Variants in DPYD observed in about 807,000 individuals in gnomAD.
DPYD encodes the protein dihydropyrimidine dehydrogenase [NADP(+)].
A neutral mutation model predicts 116.2 loss-of-function variants in DPYD; 109 were observed. The ratio of observed to expected loss-of-function variants is 0.94; its 90% confidence interval spans 0.80 to 1.10. The LOEUF (loss-of-function observed/expected upper bound fraction) is 1.10, where lower values mean the gene tolerates loss of function less well. DPYD is among the 50% of genes least tolerant of loss of function. The pLI is 0.00. For synonymous variants in DPYD, 440 were observed against 432.0 expected (o/e 1.02, Z -0.23); for missense variants, 1,302 against 1,254.5 (o/e 1.04, Z -0.57).
chr1:97,391,820 T>G (rs1253803437), intron 14 of DPYD, among the ~76,000 whole-genome samples: 1 of 152,070 alleles, frequency 6.6e-6, no homozygotes, highest in Non-Finnish European at 1.5e-5. Context: ...AAGACCATAG[T>G]GCAACTTTTG....
rs547773488 is a variant in DPYD at position 97,163,026 on chromosome 1, C to A, written c.2622+30043G>T. Among the ~76,000 whole-genome samples, 176 of 151,352 alleles carry A rather than the reference C, an allele frequency of 1.2e-3. 3 individuals are homozygous for A. The highest frequency in any genetic ancestry group is 1.8e-3 in the Admixed American group (28 of 15,176). On this transcript the variant is annotated intron_variant, in intron 20 of 22. Coordinates refer to ENST00000370192, the MANE Select transcript of DPYD (RefSeq NM_000110.4). ...AACGTTAGACCTAAAACCATAAAAACCCTAGAAGAAAACCTAGGCATTACC... is the reference window on the plus strand; with the variant it reads ...AACGTTAGACCTAAAACCATAAAAAACCTAGAAGAAAACCTAGGCATTACC...
chr1:97,127,219 T>C (rs4146964), intron 20 of DPYD, among the ~76,000 whole-genome samples: 32,124 of 152,090 alleles, frequency 0.21, 4,368 homozygotes, highest in Middle Eastern at 0.38. Context: ...TGAGATGATG[T>C]TTGTGACAAA....
In DPYD at chr1:97,450,237, A is replaced by G. The variant is rs376498663; in HGVS notation, c.1741-14T>C. 8 of 1,613,162 alleles carry G rather than the reference A, an allele frequency of 5.0e-6. No homozygotes were observed. Among genetic ancestry groups the G allele is most frequent in the Non-Finnish European group, 6.8e-6 (8 of 1,179,342 alleles). The stretch of plus-strand genomic sequence containing the variant: ...TGTCACAATGTCCTGATGAAAGAGT[A>G]AAGATATTGAGTCTCCTTTTGACAA... On this transcript the variant is annotated splice_polypyrimidine_tract_variant and intron_variant, in intron 13 of 22. Coordinates refer to ENST00000370192, the MANE Select transcript of DPYD (RefSeq NM_000110.4).
At chr1:97,637,652 G>T (rs1170023869) in intron 8 of DPYD, among the ~76,000 whole-genome samples, 1 of 152,096 alleles carries the variant, frequency 6.6e-6, no homozygotes, top group Non-Finnish European at 1.5e-5. Context: ...AGGGCAGAAA[G>T]AAGACAACAA....
At chr1:97,459,975 A>G (rs992972883) in intron 13 of DPYD, among the ~76,000 whole-genome samples, 2 of 152,190 alleles carry the variant, frequency 1.3e-5, no homozygotes, top group Non-Finnish European at 2.9e-5. Context: ...CTTTCGAGGG[A>G]GGAGAAAGGA....
At chr1:97,438,560 C>T (rs1675591844) in intron 14 of DPYD, among the ~76,000 whole-genome samples, 1 of 151,864 alleles carries the variant, frequency 6.6e-6, no homozygotes, top group African/African-American at 2.4e-5. Flanking sequence ...AATCTTATAT[C>T]CTTCAACCTT....
intron 3 of DPYD, among the ~76,000 whole-genome samples, chr1:97,751,412 G>GTA (rs377480579): frequency 1.1e-4 from 14 of 125,140 alleles, no homozygotes; most frequent in South Asian, 1.0e-3. Flanking sequence ...ATATATACGT[G>GTA]TATATATATA....
At chr1:97,742,839 A>C (rs1198631921) in intron 3 of DPYD, among the ~76,000 whole-genome samples, 1 of 152,134 alleles carries the variant, frequency 6.6e-6, no homozygotes, top group African/African-American at 2.4e-5. Flanking sequence ...AAAGTCTTTT[A>C]AACAGTTGTA....
Position 97,313,497 on chromosome 1 carries a change from CTGTG to C in DPYD, c.2059-7204_2059-7201del, listed in dbSNP as rs58100703. On this transcript the variant is annotated intron_variant, in intron 16 of 22. Coordinates refer to ENST00000370192, the MANE Select transcript of DPYD (RefSeq NM_000110.4). ...ATACCTGGAATGTGTACATGTGTGCCTGTGTGTGTGTGTGTGTGTGTGTGTGGCT... is the reference window on the plus strand; with the variant it reads ...ATACCTGGAATGTGTACATGTGTGCCTGTGTGTGTGTGTGTGTGTGTGGCT... Among the ~76,000 whole-genome samples, 138 of 148,720 alleles carry C rather than the reference CTGTG, an allele frequency of 9.3e-4. 1 individual carries two copies. Among genetic ancestry groups the C allele is most frequent in the African/African-American group, 3.3e-3 (133 of 40,542 alleles).
intron 2 of DPYD, chr1:97,856,548 A>G (rs1292589127): frequency 6.6e-6 from 1 of 152,208 alleles, no homozygotes; most frequent in Non-Finnish European, 1.5e-5. Context: ...ACATAAGACA[A>G]ATTATTAACA....
intron 8 of DPYD, among the ~76,000 whole-genome samples, chr1:97,661,182 T>C (rs1417897538): frequency 2.0e-5 from 3 of 152,294 alleles, no homozygotes; most frequent in Non-Finnish European, 4.4e-5. Flanking sequence ...ATTTAACATA[T>C]AGCATATATG....
chr1:97,098,389 CA>C (rs1650421123), intron 21 of DPYD, 99 bp downstream of exon 21: 3 of 1,411,402 alleles, frequency 2.1e-6, no homozygotes, highest in Non-Finnish European at 9.8e-7. Flanking sequence ...ATTCTAAAAC[CA>C]AATTAGTGAT....
intron 12 of DPYD, among the ~76,000 whole-genome samples, chr1:97,533,672 A>C (rs1649798826): frequency 6.6e-6 from 1 of 152,214 alleles, no homozygotes. Flanking sequence ...TTAAATATTA[A>C]GCCTTGGAAT....
At chr1:97,242,120 GTGTGTATATA>G (rs1413898823) in intron 18 of DPYD, among the ~76,000 whole-genome samples, 1 of 27,034 alleles carries the variant, frequency 3.7e-5, no homozygotes, top group African/African-American at 2.4e-4. Flanking sequence ...GTGTGTGTGC[GTGTGTATATA>G]TATATATATA....
At chr1:97,570,351 T>A (rs2102169615) in intron 11 of DPYD, among the ~76,000 whole-genome samples, 1 of 152,158 alleles carries the variant, frequency 6.6e-6, no homozygotes, top group Middle Eastern at 3.4e-3. Flanking sequence ...CTGTCAAGTT[T>A]ACTTCATTAC....
At chr1:97,174,171 TGCATGTAATATCCTATCG>T (rs1473436068) in intron 20 of DPYD, among the ~76,000 whole-genome samples, 3 of 152,124 alleles carry the variant, frequency 2.0e-5, no homozygotes, top group Non-Finnish European at 4.4e-5. Flanking sequence ...AGTCCAGCCC[TGCATGTAATATCCTATCG>T]GCAATCAATT....
intron 8 of DPYD, among the ~76,000 whole-genome samples, chr1:97,647,889 C>A (rs568505098): frequency 1.8e-4 from 27 of 152,112 alleles, no homozygotes; most frequent in African/African-American, 6.5e-4. Context: ...TTTTTCCCAA[C>A]TCATACATCT....
intron 14 of DPYD, among the ~76,000 whole-genome samples, chr1:97,409,956 T>C (rs773737040): frequency 1.8e-4 from 27 of 151,982 alleles, no homozygotes; most frequent in Admixed American, 3.3e-4. Context: ...TGCTCACCTG[T>C]AATCCCAGCT....
intron 14 of DPYD, among the ~76,000 whole-genome samples, chr1:97,447,595 AT>A (rs921294361): frequency 6.6e-6 from 1 of 152,282 alleles, no homozygotes; most frequent in South Asian, 2.1e-4. Flanking sequence ...AAAAGTATGC[AT>A]TTTTTTCTCA....
Sources: gnomAD v4.1 joint callset for allele counts (sites outside exome capture counted in the v4.1 genomes callset) on GRCh38, gnomAD v4.1.1 for gene constraint, MANE v1.5 for transcripts, NCBI Gene and HGNC (gene_info 2026-07-23, HGNC 2026-07-21) for gene names.